ZNF521: variants seen among roughly 807,000 people sequenced by gnomAD.
The protein encoded by ZNF521 is zinc finger protein 521.
ZNF521 carries 14 observed loss-of-function variants against 105.5 expected under a neutral mutation model. The observed-to-expected ratio is 0.13, with a 90% CI of 0.09 to 0.21. The LOEUF (loss-of-function observed/expected upper bound fraction) is 0.21. Ranked by LOEUF, ZNF521 falls within the 10% of genes least tolerant of loss-of-function variation. The pLI, the probability that ZNF521 is intolerant of heterozygous loss-of-function variation, is 1.00. For synonymous variants in ZNF521, 635 were observed against 606.0 expected (o/e 1.05, Z -0.70); for missense variants, 1,233 against 1,629.7 (o/e 0.76, Z 4.19).
In ZNF521 at chr18:25,062,364, G is replaced by A. The variant is rs1449444324; in HGVS notation, c.*348C>T. On this transcript the variant is annotated 3_prime_UTR_variant, in exon 8 of 8. Transcript: ENST00000361524. Reference sequence around the variant, plus strand: ...TCCAACCATAGTCTCATGTATAACAGTTGTTTTTAATCTTTCTTCCTTAAA... The same window carrying A: ...TCCAACCATAGTCTCATGTATAACAATTGTTTTTAATCTTTCTTCCTTAAA... The A allele has an allele frequency of 7.0e-6, 2 of 285,534 alleles. No homozygotes were observed. The highest frequency in any genetic ancestry group is 4.4e-5 in the African/African-American group (2 of 45,754). 17.7% of individuals were successfully genotyped at this position (285,534 alleles called of 1,614,324 possible). A position where few individuals can be genotyped will look rare whatever the true frequency, so the allele number is the denominator to read the frequency against.
intron 5 of ZNF521, among the ~76,000 whole-genome samples, chr18:25,188,188 C>G (rs749765713): frequency 6.6e-6 from 1 of 152,128 alleles, no homozygotes; most frequent in African/African-American, 2.4e-5. Flanking sequence ...CCTACCGGGC[C>G]ACAGGCGCCA....
At chr18:25,338,063 G>C (rs1913988327) in intron 2 of ZNF521, among the ~76,000 whole-genome samples, 2 of 152,166 alleles carry the variant, frequency 1.3e-5, no homozygotes, top group Admixed American at 1.3e-4. Flanking sequence ...GATTGGCCCA[G>C]TTAGCTCCCT....
intron 3 of ZNF521, among the ~76,000 whole-genome samples, chr18:25,257,431 T>C (rs1347878121): frequency 2.6e-5 from 4 of 152,154 alleles, no homozygotes; most frequent in South Asian, 2.1e-4. Context: ...TGACCTTAAA[T>C]ACATAACTTC....
intron 5 of ZNF521, among the ~76,000 whole-genome samples, chr18:25,180,438 C>T (rs2035612582): frequency 6.6e-6 from 1 of 151,700 alleles, no homozygotes; most frequent in Non-Finnish European, 1.5e-5. Context: ...GATCTCACCA[C>T]ATCAGTGCAA....
In ZNF521 at chr18:25,333,522, CA is replaced by C. The variant is rs902560767; in HGVS notation, c.41-11336del. The stretch of plus-strand genomic sequence containing the variant: ...AACCTTACATTTAGCCAACACCACC[CA>C]AAAAAAAAGTACATCCTGTCTCTGA... On this transcript the variant is annotated intron_variant, in intron 2 of 7. Coordinates refer to ENST00000361524, the MANE Select transcript of ZNF521 (RefSeq NM_015461.3). Among the ~76,000 whole-genome samples the C allele has an allele frequency of 6.0e-5, 9 of 150,142 alleles. No homozygotes were observed. In the South Asian group the frequency reaches 1.7e-3, roughly 28 times the overall value.
intron 5 of ZNF521, among the ~76,000 whole-genome samples, chr18:25,182,379 T>C (rs906801149): frequency 1.3e-5 from 2 of 152,212 alleles, no homozygotes; most frequent in African/African-American, 4.8e-5. Context: ...GTGAGTAGCA[T>C]AAAGCAACTG....
At chr18:25,174,528 G>A (rs1416285403) in intron 5 of ZNF521, among the ~76,000 whole-genome samples, 1 of 152,206 alleles carries the variant, frequency 6.6e-6, no homozygotes, top group Admixed American at 6.5e-5. Context: ...GATTGGTTCA[G>A]GGAGTCCTTG....
At chr18:25,128,225 G>GT (rs1221343150) in intron 5 of ZNF521, among the ~76,000 whole-genome samples, 8 of 151,558 alleles carry the variant, frequency 5.3e-5, no homozygotes, top group African/African-American at 1.9e-4. Context: ...AAAAAAAATC[G>GT]TATCAACAGA....
chr18:25,251,519 G>C (rs1222213875), intron 3 of ZNF521, among the ~76,000 whole-genome samples: 1 of 152,172 alleles, frequency 6.6e-6, no homozygotes, highest in Admixed American at 6.5e-5. Flanking sequence ...TACTCAAAGA[G>C]ATTTCCAGCC....
At chr18:25,068,062 C>T (rs2033117326) in intron 7 of ZNF521, among the ~76,000 whole-genome samples, 1 of 152,152 alleles carries the variant, frequency 6.6e-6, no homozygotes, top group Non-Finnish European at 1.5e-5. Context: ...AAATAACAAG[C>T]TTTCCACCAC....
chr18:25,097,381 C>T (rs1224619208), intron 5 of ZNF521, among the ~76,000 whole-genome samples: 1 of 152,100 alleles, frequency 6.6e-6, no homozygotes, highest in Non-Finnish European at 1.5e-5. Context: ...TCATTAAGCC[C>T]CCAAAGTAAG....
chr18:25,280,006 T>C (rs1910266047), intron 3 of ZNF521, among the ~76,000 whole-genome samples: 1 of 152,192 alleles, frequency 6.6e-6, no homozygotes, highest in Non-Finnish European at 1.5e-5. Context: ...TGATATCACA[T>C]TAGGTTTCAA....
chr18:25,214,380 A>G (rs2036244759), intron 4 of ZNF521, among the ~76,000 whole-genome samples: 1 of 152,126 alleles, frequency 6.6e-6, no homozygotes, highest in Non-Finnish European at 1.5e-5. Flanking sequence ...TCATCTCACC[A>G]GAAGTCTGTA....
intron 7 of ZNF521, among the ~76,000 whole-genome samples, chr18:25,077,457 C>T (rs542150224): frequency 6.6e-6 from 1 of 152,306 alleles, no homozygotes; most frequent in African/African-American, 2.4e-5. Flanking sequence ...CACGTCCTCT[C>T]TACCTTTTTA....
At chr18:25,279,326 C>A (rs1206953537) in intron 3 of ZNF521, among the ~76,000 whole-genome samples, 1 of 152,208 alleles carries the variant, frequency 6.6e-6, no homozygotes, top group Non-Finnish European at 1.5e-5. Flanking sequence ...AGTATAACTA[C>A]AGCCTTTGGC....
At chr18:25,284,602 C>T (rs923737225) in intron 3 of ZNF521, among the ~76,000 whole-genome samples, 5 of 151,994 alleles carry the variant, frequency 3.3e-5, no homozygotes, top group Non-Finnish European at 1.5e-5. Flanking sequence ...ATAAAGAAGT[C>T]TTCAATAAAG....
chr18:25,281,893 TC>T (rs968877980), intron 3 of ZNF521, among the ~76,000 whole-genome samples: 34 of 152,112 alleles, frequency 2.2e-4, no homozygotes, highest in African/African-American at 8.0e-4. Flanking sequence ...AGGCGGTACT[TC>T]ATCAGCATTT....
intron 7 of ZNF521, 42 bp from the exon 8 acceptor site, chr18:25,062,783 A>T: frequency 7.3e-7 from 1 of 1,378,262 alleles, no homozygotes; most frequent in Non-Finnish European, 9.6e-7. Flanking sequence ...AAAAAAAAAA[A>T]AAGAGAAGAG....
At chr18:25,067,867 G>T (rs911520537) in intron 7 of ZNF521, among the ~76,000 whole-genome samples, 1 of 152,018 alleles carries the variant, frequency 6.6e-6, no homozygotes, top group East Asian at 1.9e-4. Flanking sequence ...AAAATGTTAC[G>T]TATCAGTGGT....
Sources: allele counts gnomAD v4.1 joint callset (sites outside exome capture counted in the v4.1 genomes callset), GRCh38; gene constraint gnomAD v4.1.1; transcripts MANE v1.5; gene names NCBI Gene and HGNC (gene_info 2026-07-23, HGNC 2026-07-21).